The following TMOD3 variants were observed in gnomAD, a reference collection of about 807,000 sequenced individuals.
The protein encoded by TMOD3 is tropomodulin-3.
In TMOD3, 20 loss-of-function variants were observed where a neutral mutation model predicts 39.2. The ratio of observed to expected loss-of-function variants is 0.51; its 90% CI spans 0.36 to 0.74. TMOD3 has a LOEUF of 0.74. Among genes scored for constraint, TMOD3 ranks in the 30% least tolerant of loss-of-function variants. TMOD3 has a pLI of 0.00. For synonymous variants in TMOD3, 143 were observed against 145.8 expected, an observed-to-expected ratio of 0.98 and a Z score of 0.14; for missense variants, 381 against 412.8, an observed-to-expected ratio of 0.92 and a Z score of 0.67.
chr15:51,882,810 C>T (rs529788937), intron 3 of TMOD3, among the ~76,000 whole-genome samples: 1 of 151,110 alleles, frequency 6.6e-6, no homozygotes, highest in East Asian at 1.9e-4. Flanking sequence ...CAGCTTGTCA[C>T]TTTCTATAAA....
At chr15:51,858,559 C>T (rs1162523878) in intron 1 of TMOD3, among the ~76,000 whole-genome samples, 11 of 152,052 alleles carry the variant, frequency 7.2e-5, no homozygotes, top group Non-Finnish European at 1.5e-4. Context: ...AAATTCTGTT[C>T]ATTTGCTTGT....
intron 1 of TMOD3, among the ~76,000 whole-genome samples, chr15:51,834,676 CA>C (rs1039498455): frequency 6.6e-6 from 1 of 152,104 alleles, no homozygotes; most frequent in African/African-American, 2.4e-5. Flanking sequence ...ACTAAAAATA[CA>C]AAAATTAGCC....
chr15:51,852,733 C>G (rs2056368666), intron 1 of TMOD3, among the ~76,000 whole-genome samples: 1 of 152,146 alleles, frequency 6.6e-6, no homozygotes, highest in Non-Finnish European at 1.5e-5. Flanking sequence ...ATGTGTGATC[C>G]AAGTATATCA....
chr15:51,870,521 C>T (rs2056469821), intron 3 of TMOD3, among the ~76,000 whole-genome samples: 1 of 152,180 alleles, frequency 6.6e-6, no homozygotes, highest in South Asian at 2.1e-4. Flanking sequence ...CCTTCTCAAT[C>T]ATTTTGGCCA....
At chr15:51,900,065 A>AGTTAT (rs59992829) in intron 7 of TMOD3, 90 bp from the exon 8 acceptor site, 484,955 of 1,202,382 alleles carry the variant, frequency 0.4, 100,948 homozygotes, top group Admixed American at 0.56. Context: ...ACATTAAGGC[A>AGTTAT]GTTAATTAAT....
At chr15:51,898,505 C>G (rs900593464) in intron 7 of TMOD3, among the ~76,000 whole-genome samples, 3 of 152,186 alleles carry the variant, frequency 2.0e-5, no homozygotes, top group African/African-American at 7.2e-5. Flanking sequence ...TTCTGCCAGG[C>G]AGGGACCAAT....
In TMOD3 at chr15:51,863,017, G is replaced by A. The variant is rs758588433; in HGVS notation, c.126+7G>A. The A allele has an allele frequency of 6.2e-7, 1 of 1,605,704 alleles. No homozygotes were observed. Among genetic ancestry groups the A allele is most frequent in the African/African-American group, 1.3e-5 (1 of 74,378 alleles). The stretch of plus-strand genomic sequence containing the variant: ...GGATGATCTTGACCCCGAGGTAGGT[G>A]CTAGGTGATGAAGAGAAATGAAATA... On this transcript the variant is annotated splice_region_variant and intron_variant, in intron 2 of 9. Coordinates refer to ENST00000308580, the MANE Select transcript of TMOD3 (RefSeq NM_014547.5).
At chr15:51,877,984 C>G (rs1198594802) in intron 3 of TMOD3, among the ~76,000 whole-genome samples, 2 of 152,166 alleles carry the variant, frequency 1.3e-5, no homozygotes, top group Non-Finnish European at 2.9e-5. Flanking sequence ...CTGCACAACT[C>G]CTGGGCTCCC....
intron 6 of TMOD3, among the ~76,000 whole-genome samples, chr15:51,896,087 A>C (rs1310978015): frequency 6.6e-6 from 1 of 152,224 alleles, no homozygotes; most frequent in African/African-American, 2.4e-5. Context: ...CAACCTGGGC[A>C]ACAAGAGCAA....
rs145406632 is a variant in TMOD3, at chr15:51,879,091, A to T, written c.284-8498A>T. Among the ~76,000 whole-genome samples the T allele has an allele frequency of 2.4e-3, 360 of 152,328 alleles. No homozygotes were observed. The Middle Eastern group carries it at 0.027, about 12-fold the overall frequency. On this transcript the variant is annotated intron_variant, in intron 3 of 9. Transcript: ENST00000308580. The stretch of plus-strand genomic sequence containing the variant: ...ACATGGATCACAGTATTTCTTACTG[A>T]TTTTGTGACAATAACAAGGATCTTG...
intron 3 of TMOD3, among the ~76,000 whole-genome samples, chr15:51,874,568 A>G (rs1336676352): frequency 2.6e-5 from 4 of 152,116 alleles, no homozygotes; most frequent in Non-Finnish European, 4.4e-5. Context: ...TTCCCATCAT[A>G]TTTTTACATA....
At chr15:51,830,057 G>A (rs2056246357) in intron 1 of TMOD3, among the ~76,000 whole-genome samples, 2 of 152,104 alleles carry the variant, frequency 1.3e-5, no homozygotes, top group Non-Finnish European at 2.9e-5. Context: ...TCGCCCGCCG[G>A]TCTAGGCGCG....
Position 51,908,876 on chromosome 15 carries a change from T to C in TMOD3, c.*66T>C, listed in dbSNP as rs1348572245. 9 of 1,414,920 alleles carry C rather than the reference T, an allele frequency of 6.4e-6. No homozygotes were observed. Among genetic ancestry groups the C allele is most frequent in the Non-Finnish European group, 8.6e-6 (9 of 1,049,496 alleles). 87.6% of individuals were successfully genotyped at this position (1,414,920 alleles called of 1,614,324 possible). ...CCAAGGGCTCATGTTGGTGACATCA[T>C]GTAAAATTTTCCTGGGTAGAAGGGA... On this transcript the variant is annotated 3_prime_UTR_variant, in exon 10 of 10. Coordinates refer to ENST00000308580, the MANE Select transcript of TMOD3 (RefSeq NM_014547.5).
At chr15:51,893,985 T>A (rs1303134755) in intron 6 of TMOD3, 40 bp downstream of exon 6, 1 of 1,495,508 alleles carries the variant, frequency 6.7e-7, no homozygotes, top group Non-Finnish European at 9.0e-7. Context: ...TTGCTTTGAG[T>A]TAGTTGAACC....
At chr15:51,906,467 ATC>A (rs1439031490) in intron 9 of TMOD3, among the ~76,000 whole-genome samples, 1 of 152,096 alleles carries the variant, frequency 6.6e-6, no homozygotes, top group Non-Finnish European at 1.5e-5. Context: ...CCTGCTCTCC[ATC>A]TCTCCAGCTA....
chr15:51,890,920 CCCTT>C (rs938196337), intron 5 of TMOD3, among the ~76,000 whole-genome samples: 13 of 152,168 alleles, frequency 8.5e-5, no homozygotes, highest in Admixed American at 7.2e-4. Context: ...TCTTCTGTCT[CCCTT>C]CCTAACCCTT....
intron 1 of TMOD3, among the ~76,000 whole-genome samples, chr15:51,832,809 G>T (rs917168068): frequency 4.6e-5 from 7 of 152,206 alleles, no homozygotes; most frequent in African/African-American, 7.2e-5. Context: ...GGAAAAAAAG[G>T]CTTTTAGTAA....
chr15:51,842,904 C>A (rs2056319236), intron 1 of TMOD3, among the ~76,000 whole-genome samples: 1 of 152,156 alleles, frequency 6.6e-6, no homozygotes, highest in South Asian at 2.1e-4. Context: ...TATCTCCAGG[C>A]CCCTGACGTT....
intron 9 of TMOD3, among the ~76,000 whole-genome samples, chr15:51,903,843 A>G (rs2056664668): frequency 6.6e-6 from 1 of 152,236 alleles, no homozygotes; most frequent in Non-Finnish European, 1.5e-5. Flanking sequence ...CCCCAAAAAG[A>G]TGGTTGACCA....
Sources: allele counts gnomAD v4.1 joint callset (sites outside exome capture counted in the v4.1 genomes callset), GRCh38; gene constraint gnomAD v4.1.1; transcripts MANE v1.5; gene names NCBI Gene and HGNC (gene_info 2026-07-23, HGNC 2026-07-21).